DNM3: variants seen among roughly 807,000 people sequenced by gnomAD.
DNM3 encodes the protein dynamin-3.
Under a neutral mutation model 101.6 loss-of-function variants are expected in DNM3, and 47 were observed. The observed-to-expected ratio is 0.46, with a 90% CI of 0.37 to 0.59. The LOEUF (loss-of-function observed/expected upper bound fraction) is 0.59, where lower values mean the gene tolerates loss of function less well. DNM3 is among the 20% of genes least tolerant of loss of function. The pLI, the probability that DNM3 is intolerant of heterozygous loss-of-function variation, is 0.00. For missense variants in DNM3, 849 were observed against 1,085.7 expected, an observed-to-expected ratio of 0.78 and a Z score of 3.06; for synonymous variants, 385 against 387.9, an observed-to-expected ratio of 0.99 and a Z score of 0.09.
chr1:171,973,672 C>CTTT (rs754902487), intron 2 of DNM3, among the ~76,000 whole-genome samples: 1 of 137,102 alleles, frequency 7.3e-6, no homozygotes. Context: ...ACTCCAAAAT[C>CTTT]TTTTTTTTTT....
chr1:171,862,238 C>T (rs1035904531), intron 1 of DNM3, among the ~76,000 whole-genome samples: 3 of 152,076 alleles, frequency 2.0e-5, no homozygotes, highest in African/African-American at 7.2e-5. Flanking sequence ...TAGATTCATG[C>T]TGAAGACAAA....
intron 15 of DNM3, among the ~76,000 whole-genome samples, chr1:172,295,344 G>C (rs1389221907): frequency 2.0e-5 from 3 of 152,162 alleles, no homozygotes. Context: ...AACATGTAGA[G>C]TTCCATCTAA....
chr1:172,196,005 A>C (rs2059934026), intron 14 of DNM3, among the ~76,000 whole-genome samples: 1 of 151,816 alleles, frequency 6.6e-6, no homozygotes, highest in Non-Finnish European at 1.5e-5. Flanking sequence ...TTCATCACCC[A>C]GCTATTAAGC....
At chr1:171,856,395 T>C (rs2033614778) in intron 1 of DNM3, among the ~76,000 whole-genome samples, 1 of 152,220 alleles carries the variant, frequency 6.6e-6, no homozygotes, top group Non-Finnish European at 1.5e-5. Context: ...ATAGTTTTTT[T>C]CTAGGTCTGT....
chr1:172,150,964 C>G (rs1452767352), intron 14 of DNM3, among the ~76,000 whole-genome samples: 2 of 152,132 alleles, frequency 1.3e-5, no homozygotes, highest in Non-Finnish European at 2.9e-5. Flanking sequence ...TTGAGTTTAT[C>G]TGGTTTTATT....
intron 13 of DNM3, among the ~76,000 whole-genome samples, chr1:172,117,635 G>A (rs1430287010): frequency 6.6e-6 from 1 of 152,110 alleles, no homozygotes; most frequent in East Asian, 1.9e-4. Flanking sequence ...CCTAGTCTTA[G>A]GTATGTTTTT....
At chr1:172,224,940 TCA>T (rs2061047815) in intron 14 of DNM3, among the ~76,000 whole-genome samples, 1 of 152,088 alleles carries the variant, frequency 6.6e-6, no homozygotes, top group African/African-American at 2.4e-5. Flanking sequence ...GCTGGTGATC[TCA>T]GTTTGAAAAC....
intron 14 of DNM3, among the ~76,000 whole-genome samples, chr1:172,168,782 A>G (rs946247208): frequency 6.6e-5 from 10 of 151,946 alleles, no homozygotes; most frequent in Admixed American, 6.6e-5. Context: ...CTTATTGCCT[A>G]TAGAGTCCTG....
intron 13 of DNM3, among the ~76,000 whole-genome samples, chr1:172,097,409 G>GA (rs2054319589): frequency 6.6e-6 from 1 of 150,654 alleles, no homozygotes; most frequent in African/African-American, 2.5e-5. Flanking sequence ...AAAAAAAAAA[G>GA]AAAAAATAGA....
chr1:172,271,803 T>C (rs1183635249), intron 15 of DNM3, among the ~76,000 whole-genome samples: 2 of 152,166 alleles, frequency 1.3e-5, no homozygotes, highest in East Asian at 3.8e-4. Context: ...CATTTGTCAT[T>C]TGGAAAACAT....
At chr1:172,062,892 C>T (rs17350544) in intron 10 of DNM3, among the ~76,000 whole-genome samples, 24,790 of 152,146 alleles carry the variant, frequency 0.16, 2,719 homozygotes, top group Non-Finnish European at 0.24. Context: ...AGATGACTGC[C>T]TTCTCATATC....
chr1:172,332,605 G>A (rs371431475), intron 17 of DNM3, among the ~76,000 whole-genome samples: 5 of 152,132 alleles, frequency 3.3e-5, no homozygotes, highest in Non-Finnish European at 4.4e-5. Flanking sequence ...CACCATGCCC[G>A]GCCAGCTGGG....
chr1:171,885,114 G>A (rs1306722024), intron 1 of DNM3, among the ~76,000 whole-genome samples: 7 of 152,082 alleles, frequency 4.6e-5, no homozygotes, highest in Non-Finnish European at 4.4e-5. Flanking sequence ...AGGGCACAAG[G>A]AGGGCATTAG....
intron 2 of DNM3, among the ~76,000 whole-genome samples, chr1:171,946,791 C>T (rs934034584): frequency 6.6e-6 from 1 of 152,004 alleles, no homozygotes; most frequent in Non-Finnish European, 1.5e-5. Context: ...CCAGCATGTG[C>T]AGAACATATG....
chr1:172,068,243 G>A (rs1448091696), intron 10 of DNM3, among the ~76,000 whole-genome samples: 3 of 152,040 alleles, frequency 2.0e-5, no homozygotes, highest in South Asian at 2.1e-4. Context: ...CAGGAGAATC[G>A]CTTGAACCCA....
At chr1:172,179,759 C>T (rs1045239822) in intron 14 of DNM3, among the ~76,000 whole-genome samples, 3 of 152,018 alleles carry the variant, frequency 2.0e-5, no homozygotes, top group Non-Finnish European at 2.9e-5. Flanking sequence ...TGGGTGACTA[C>T]TCTGTAAAAG....
chr1:172,311,289 C>G (rs1025262009), intron 16 of DNM3: 1 of 149,704 alleles, frequency 6.7e-6, no homozygotes, highest in African/African-American at 2.5e-5. Flanking sequence ...TCCAAATATG[C>G]TTGTATGCTT....
chr1:172,129,998 A>T (rs536928614), intron 13 of DNM3, among the ~76,000 whole-genome samples: 2 of 152,258 alleles, frequency 1.3e-5, no homozygotes, highest in South Asian at 4.1e-4. Context: ...ATCAAGGGTG[A>T]CAGGGGCTGG....
At chr1:172,211,042 G>A (rs2060496151) in intron 14 of DNM3, among the ~76,000 whole-genome samples, 1 of 152,058 alleles carries the variant, frequency 6.6e-6, no homozygotes, top group South Asian at 2.1e-4. Flanking sequence ...TGAGTAAACG[G>A]AAATATATCT....
Sources: gnomAD v4.1 joint callset for allele counts (sites outside exome capture counted in the v4.1 genomes callset) on GRCh38, gnomAD v4.1.1 for gene constraint, MANE v1.5 for transcripts, NCBI Gene and HGNC (gene_info 2026-07-23, HGNC 2026-07-21) for gene names.